TMX2: variants seen among roughly 807,000 people sequenced by gnomAD.
TMX2 encodes thioredoxin related transmembrane protein 2, also known as thioredoxin-related transmembrane protein 2.
TMX2 carries 20 observed loss-of-function variants against 33.4 expected under a neutral mutation model. The ratio of observed to expected loss-of-function variants is 0.60; its 90% CI spans 0.42 to 0.87. The LOEUF is 0.87. Among genes scored for constraint, TMX2 ranks in the 40% least tolerant of loss-of-function variants. The probability of loss-of-function intolerance (pLI) is 0.00; values close to 1 mark genes in which losing one functional copy is unlikely to be tolerated. For missense variants in TMX2, 340 were observed against 370.7 expected, an observed-to-expected ratio of 0.92 and a Z score of 0.68; for synonymous variants, 166 against 140.7, an observed-to-expected ratio of 1.18 and a Z score of -1.27.
intron 1 of TMX2, among the ~76,000 whole-genome samples, chr11:57,713,668 C>T (rs1002540832): frequency 6.6e-5 from 10 of 152,164 alleles, no homozygotes; most frequent in Non-Finnish European, 1.2e-4. Flanking sequence ...TTTATTTTAA[C>T]GTGCATAGCA....
At chr11:57,717,738 AGGGGAGAG>A (rs1360625478) in intron 1 of TMX2, among the ~76,000 whole-genome samples, 5 of 95,278 alleles carry the variant, frequency 5.2e-5, no homozygotes, top group African/African-American at 1.2e-4. Flanking sequence ...GAGAGGGGAG[AGGGGAGAG>A]GGGAGAGGGA....
intron 1 of TMX2, among the ~76,000 whole-genome samples, chr11:57,734,103 C>T (rs748310531): frequency 1.7e-5 from 2 of 119,240 alleles, no homozygotes; most frequent in South Asian, 3.0e-4. Flanking sequence ...ACCTGGGAGG[C>T]GGAGGAGACC....
At chr11:57,712,855 C>T (rs753400896) in intron 1 of TMX2, 48 bp downstream of exon 1, 3 of 1,604,578 alleles carry the variant, frequency 1.9e-6, no homozygotes, top group Non-Finnish European at 2.6e-6. Context: ...TGTCCCTGCC[C>T]TTGCAGGTGT....
chr11:57,738,656 T>C lies in TMX2; in HGVS notation c.442-8T>C, dbSNP rs1217583474. 6.2e-7 allele frequency: 1 copy of C among 1,613,082 alleles called. No individual in the cohort carries two copies. Among genetic ancestry groups the C allele is most frequent in the Non-Finnish European group, 8.5e-7 (1 of 1,179,388 alleles). ...ATCCAGCTGACTTTTCTTCCCTGTA[T>C]TTGGCAGGAGGAACTAGAACGGGAC... On this transcript the variant is annotated splice_polypyrimidine_tract_variant and splice_region_variant and intron_variant, in intron 4 of 7. Transcript: ENST00000278422.
chr11:57,726,754 C>G (rs1948025910), intron 1 of TMX2, among the ~76,000 whole-genome samples: 1 of 152,188 alleles, frequency 6.6e-6, no homozygotes, highest in African/African-American at 2.4e-5. Flanking sequence ...AAGGACCAGG[C>G]ATTTCTCCCA....
chr11:57,727,765 G>C (rs546480731), intron 1 of TMX2, among the ~76,000 whole-genome samples: 1 of 152,194 alleles, frequency 6.6e-6, no homozygotes, highest in East Asian at 1.9e-4. Flanking sequence ...CTAAGAGCTA[G>C]GCACCCTTTT....
intron 1 of TMX2, among the ~76,000 whole-genome samples, chr11:57,733,867 A>G (rs918704467): frequency 1.3e-5 from 2 of 152,062 alleles, no homozygotes; most frequent in Admixed American, 1.3e-4. Context: ...CCAGCCAGCA[A>G]ATGAAAAAAA....
At chr11:57,734,157 CAAAAAAAAA>C (rs60802364) in intron 1 of TMX2, among the ~76,000 whole-genome samples, 7 of 49,740 alleles carry the variant, frequency 1.4e-4, no homozygotes, top group Non-Finnish European at 2.3e-4. Context: ...ACCCTGTCTC[CAAAAAAAAA>C]AAAAAAAAAA....
intron 4 of TMX2, 54 bp from the exon 5 acceptor site, chr11:57,738,610 C>A: frequency 4.0e-6 from 6 of 1,503,040 alleles, no homozygotes; most frequent in Non-Finnish European, 5.6e-6. Flanking sequence ...AAAGTCTGAA[C>A]CTTCCCAGGA....
At chr11:57,714,924 C>T (rs1339071356) in intron 1 of TMX2, among the ~76,000 whole-genome samples, 1 of 152,032 alleles carries the variant, frequency 6.6e-6, no homozygotes, top group Admixed American at 6.6e-5. Flanking sequence ...TTTAGTGATT[C>T]TAAGTCAGAA....
At chr11:57,723,496 T>A (rs1947771144) in intron 1 of TMX2, among the ~76,000 whole-genome samples, 1 of 127,258 alleles carries the variant, frequency 7.9e-6, no homozygotes. Flanking sequence ...AAAAAAAAAT[T>A]CATCGCAAAA....
chr11:57,713,640 G>A (rs897590056), intron 1 of TMX2, among the ~76,000 whole-genome samples: 4 of 152,162 alleles, frequency 2.6e-5, no homozygotes, highest in Admixed American at 1.3e-4. Flanking sequence ...CACATTAATA[G>A]GAGAAAGGCA....
chr11:57,729,240 G>A (rs977444101), intron 1 of TMX2, among the ~76,000 whole-genome samples: 1 of 152,160 alleles, frequency 6.6e-6, no homozygotes, highest in African/African-American at 2.4e-5. Context: ...ATATAAAATG[G>A]AAGTAATATG....
intron 1 of TMX2, among the ~76,000 whole-genome samples, chr11:57,723,153 C>CA (rs1370744142): frequency 6.6e-6 from 1 of 151,376 alleles, no homozygotes; most frequent in South Asian, 2.1e-4. Context: ...TGTCAACTCT[C>CA]AAAAAAATGT....
At chr11:57,716,719 C>A (rs1264152335) in intron 1 of TMX2, among the ~76,000 whole-genome samples, 2 of 146,550 alleles carry the variant, frequency 1.4e-5, no homozygotes, top group Admixed American at 6.7e-5. Context: ...GGGGCTGACT[C>A]CCCCACCTCC....
At chr11:57,736,699 G>A (rs1420323123) in intron 1 of TMX2, among the ~76,000 whole-genome samples, 1 of 151,952 alleles carries the variant, frequency 6.6e-6, no homozygotes. Context: ...ACCAGCCCGG[G>A]CAACATGGGG....
chr11:57,721,311 A>G (rs180916872), intron 1 of TMX2, among the ~76,000 whole-genome samples: 25 of 150,932 alleles, frequency 1.7e-4, no homozygotes, highest in African/African-American at 4.6e-4. Flanking sequence ...CAATCAATCA[A>G]TCAATCAATG....
rs779431722 is a variant in TMX2 at position 57,712,682 on chromosome 11, G to A, written c.64G>A (p.Ala22Thr). 3.7e-6 allele frequency: 6 copies of A among 1,614,010 alleles called. No individual in the cohort carries two copies. The Admixed American group carries it at 1.0e-4, about 27-fold the overall frequency. The change falls in exon 1 of 8, where the codon GCC becomes ACC. Residue 22 changes from alanine (A) to threonine (T), a missense_variant. Coordinates refer to ENST00000278422, the MANE Select transcript of TMX2 (RefSeq NM_015959.4). ...GGTGCCGCGACTTTCACGATGGCTC[G>A]CCCAACCTTACTACCTTCTGTCGGC... ...YSVPRLSRWLAQPYYLLSALL... is the reference protein window; with the variant it reads ...YSVPRLSRWLTQPYYLLSALL...
In TMX2 at chr11:57,716,846, C is replaced by G. The variant is rs999450889; in HGVS notation, c.189+4039C>G. ...CGGCTGGCCGGGCGGGGGGCTGACC[C>G]CCCCCACCTCCCTCCTGGACGGGGC... On this transcript the variant is annotated intron_variant, in intron 1 of 7. Coordinates refer to ENST00000278422, the MANE Select transcript of TMX2 (RefSeq NM_015959.4). Among the ~76,000 whole-genome samples, 8 of 147,380 alleles carry G rather than the reference C, an allele frequency of 5.4e-5. No homozygotes were observed. The East Asian group carries it at 1.0e-3, about 19-fold the overall frequency.
Sources: allele counts gnomAD v4.1 joint callset (sites outside exome capture counted in the v4.1 genomes callset), GRCh38; gene constraint gnomAD v4.1.1; transcripts MANE v1.5; gene names NCBI Gene and HGNC (gene_info 2026-07-23, HGNC 2026-07-21).